PCGF6: variants seen among roughly 807,000 people sequenced by gnomAD.
The protein encoded by PCGF6 is polycomb group ring finger 6.
PCGF6 carries 24 observed loss-of-function variants against 45.5 expected under a neutral mutation model. The ratio of observed to expected loss-of-function variants is 0.53; its 90% confidence interval spans 0.38 to 0.74. The LOEUF (loss-of-function observed/expected upper bound fraction) is 0.74. Among genes scored for constraint, PCGF6 ranks in the 30% least tolerant of loss-of-function variants. The pLI is 0.00. For synonymous variants in PCGF6, 152 were observed against 162.1 expected (o/e 0.94, Z 0.47); for missense variants, 356 against 443.2 (o/e 0.80, Z 1.77).
At chr10:103,304,005 C>A in intron 9 of PCGF6, 44 bp from the exon 10 acceptor site, 1 of 1,503,488 alleles carries the variant, frequency 6.7e-7, no homozygotes, top group Admixed American at 1.7e-5. Context: ...TTCTTTCAAA[C>A]CAGTAATGCA....
chr10:103,331,230 GT>G (rs1319273884), intron 7 of PCGF6, among the ~76,000 whole-genome samples: 13 of 152,018 alleles, frequency 8.6e-5, no homozygotes, highest in Admixed American at 8.5e-4. Context: ...CAGCTAATAG[GT>G]TATATACACT....
intron 9 of PCGF6, among the ~76,000 whole-genome samples, chr10:103,305,854 C>T (rs960418732): frequency 2.0e-5 from 3 of 151,044 alleles, no homozygotes; most frequent in Middle Eastern, 3.4e-3. Context: ...TCAAGACCAG[C>T]CTGGGCAACA....
In PCGF6 at chr10:103,313,495, G is replaced by T. The variant is rs142568730; in HGVS notation, c.996+691C>A. Among the ~76,000 whole-genome samples the T allele has an allele frequency of 6.2e-3, 948 of 152,236 alleles. 53 individuals are homozygous for T. In the East Asian group the frequency reaches 0.13, roughly 21 times the overall value. Reference sequence around the variant, plus strand: ...CAGGAGAACTGCTTGAACCTGGGAGGCAGAGGCTGCAGTGAGCTGAGATAG... The same window carrying T: ...CAGGAGAACTGCTTGAACCTGGGAGTCAGAGGCTGCAGTGAGCTGAGATAG... On this transcript the variant is annotated intron_variant, in intron 9 of 9. Transcript: ENST00000369847.
At chr10:103,310,649 C>T (rs2093153966) in intron 9 of PCGF6, among the ~76,000 whole-genome samples, 1 of 151,922 alleles carries the variant, frequency 6.6e-6, no homozygotes, top group Non-Finnish European at 1.5e-5. Flanking sequence ...AGCAGTTGTT[C>T]CATTGAGACA....
At chr10:103,344,986 ATTCT>A (rs1414296163) in intron 6 of PCGF6, 34 bp downstream of exon 6, 7 of 1,370,766 alleles carry the variant, frequency 5.1e-6, no homozygotes, top group Non-Finnish European at 7.1e-6. Context: ...GACTTTTAAC[ATTCT>A]TTAAGTTAAA....
At position 103,340,180 on chromosome 10, in the gene PCGF6, GAAAAA is replaced by G. The variant is rs58312332; in HGVS notation, c.782+4839_782+4843del. Among the ~76,000 whole-genome samples, 255 of 72,200 alleles carry G rather than the reference GAAAAA, an allele frequency of 3.5e-3. 1 individual carries two copies. The highest frequency in any genetic ancestry group is 0.019 in the South Asian group (39 of 2,086). The allele number at this position is 72,200 out of a possible 152,430, so 47.4% of individuals were successfully genotyped here. A position where few individuals can be genotyped will look rare whatever the true frequency, so the allele number is the denominator to read the frequency against. On this transcript the variant is annotated intron_variant, in intron 6 of 9. Coordinates refer to ENST00000369847, the MANE Select transcript of PCGF6 (RefSeq NM_001011663.2). Reference sequence around the variant, plus strand: ...TGACAAAGTAAGACTCTGTCTCAGGGAAAAAAAAAAAAAAAAAAATATATATATAT... The same window carrying G: ...TGACAAAGTAAGACTCTGTCTCAGGGAAAAAAAAAAAAAATATATATATAT...
At chr10:103,346,627 A>T (rs1484843139) in intron 5 of PCGF6, among the ~76,000 whole-genome samples, 2 of 152,070 alleles carry the variant, frequency 1.3e-5, no homozygotes, top group Non-Finnish European at 2.9e-5. Context: ...AATCATAATA[A>T]ATAAATAAAA....
intron 5 of PCGF6, 56 bp downstream of exon 5, chr10:103,347,182 T>A: frequency 7.3e-7 from 1 of 1,372,816 alleles, no homozygotes; most frequent in Non-Finnish European, 1.0e-6. Flanking sequence ...GGGCATATAT[T>A]TTATTGTTAG....
intron 8 of PCGF6, among the ~76,000 whole-genome samples, chr10:103,326,280 T>G (rs552979197): frequency 8.7e-4 from 131 of 150,508 alleles, no homozygotes; most frequent in African/African-American, 2.9e-3. Flanking sequence ...TCCCAGCTAC[T>G]CGGGAGGCTG....
intron 5 of PCGF6, among the ~76,000 whole-genome samples, chr10:103,346,586 T>C (rs528433981): frequency 5.9e-5 from 9 of 152,262 alleles, no homozygotes; most frequent in Middle Eastern, 6.8e-3. Context: ...ATCATGCCAC[T>C]GCACTCCAGC....
chr10:103,346,009 A>C (rs1193979239), intron 5 of PCGF6, among the ~76,000 whole-genome samples: 1 of 151,550 alleles, frequency 6.6e-6, no homozygotes, highest in Non-Finnish European at 1.5e-5. Context: ...CCTGGCCAAC[A>C]TGGTGAAACC....
chr10:103,313,494 G>C (rs2093164532), intron 9 of PCGF6, among the ~76,000 whole-genome samples: 1 of 152,202 alleles, frequency 6.6e-6, no homozygotes, highest in African/African-American at 2.4e-5. Context: ...GAACCTGGGA[G>C]GCAGAGGCTG....
intron 3 of PCGF6, among the ~76,000 whole-genome samples, chr10:103,348,163 A>C (rs2093306521): frequency 6.6e-6 from 1 of 152,204 alleles, no homozygotes; most frequent in Non-Finnish European, 1.5e-5. Flanking sequence ...AAAAGCCTAA[A>C]CTAGCCTCAT....
chr10:103,308,078 A>T (rs191207823), intron 9 of PCGF6, among the ~76,000 whole-genome samples: 85 of 152,250 alleles, frequency 5.6e-4, no homozygotes, highest in Non-Finnish European at 1.0e-3. Context: ...GTAGTGGCAG[A>T]GCCCTCACAG....
chr10:103,320,837 T>C (rs1249359200), intron 8 of PCGF6, among the ~76,000 whole-genome samples: 1 of 151,542 alleles, frequency 6.6e-6, no homozygotes, highest in East Asian at 1.9e-4. Flanking sequence ...GTCACATATC[T>C]GTAAACCATG....
In PCGF6 at chr10:103,351,007, A is replaced by C; in HGVS notation, c.60T>G (p.Ala20=). Residue 20 remains alanine (A), a synonymous_variant, in exon 1 of 10, where the codon GCT becomes GCG. Coordinates refer to ENST00000369847, the MANE Select transcript of PCGF6 (RefSeq NM_001011663.2). ...CAGGAGGCGGAGGCGGCAAGGCTGC[A>C]GCTCCCTCGGTTTTGGCAGCGCCTA... ...GSVGAAKTEG[A]AALPPPPPVS... 2 of 1,373,806 alleles carry C rather than the reference A, an allele frequency of 1.5e-6. No homozygotes were observed. The highest frequency in any genetic ancestry group is 1.9e-5 in the South Asian group (1 of 53,510). The allele number at this position is 1,373,806 out of a possible 1,614,324, so 85.1% of individuals were successfully genotyped here. A position where few individuals can be genotyped will look rare whatever the true frequency, so the allele number is the denominator to read the frequency against.
Position 103,345,087 on chromosome 10 carries a change from A to T in PCGF6, c.719T>A (p.Val240Asp). 6.2e-7 allele frequency: 1 copy of T among 1,613,430 alleles called. No individual in the cohort carries two copies. Among genetic ancestry groups the T allele is most frequent in the Non-Finnish European group, 8.5e-7 (1 of 1,179,620 alleles). The change falls in exon 6 of 10, where the codon GTC becomes GAC. Residue 240 changes from valine (V) to aspartate (D), a missense_variant. Transcript: ENST00000369847. The stretch of plus-strand genomic sequence containing the variant: ...TGGAATACGAAACACTGATTCTAGG[A>T]CTTTTTTAGATCTTCCTTTGCTTGA... ...VPSSKGRSKK[V>D]LESVFRIPPE...
chr10:103,348,857 C>T (rs2093309254), intron 2 of PCGF6, 43 bp downstream of exon 2: 2 of 1,604,162 alleles, frequency 1.2e-6, no homozygotes, highest in Admixed American at 1.7e-5. Context: ...CAAGACATTT[C>T]AAAAACTGAA....
intron 7 of PCGF6, among the ~76,000 whole-genome samples, chr10:103,330,943 G>A (rs539193490): frequency 1.3e-5 from 2 of 152,188 alleles, no homozygotes; most frequent in South Asian, 4.1e-4. Context: ...AAGAAAAAAA[G>A]AAACCTGTAC....
Sources: allele counts gnomAD v4.1 joint callset (sites outside exome capture counted in the v4.1 genomes callset), GRCh38; gene constraint gnomAD v4.1.1; transcripts MANE v1.5; gene names NCBI Gene and HGNC (gene_info 2026-07-23, HGNC 2026-07-21).